The following MSRA variants were observed in gnomAD, a reference collection of about 807,000 sequenced individuals.
MSRA encodes the protein methionine sulfoxide reductase A, also known as mitochondrial peptide methionine sulfoxide reductase.
A neutral mutation model predicts 31.3 loss-of-function variants in MSRA; 54 were observed. The observed-to-expected ratio is 1.73, with a 90% CI of 1.39 to 2.17. MSRA has a LOEUF of 2.17. Ranked by LOEUF, MSRA falls within the 30% of genes most tolerant of loss-of-function variation. The probability of loss-of-function intolerance (pLI) is 0.00; values close to 1 mark genes in which losing one functional copy is unlikely to be tolerated. For missense variants in MSRA, 507 were observed against 300.9 expected (o/e 1.69, Z -5.07); for synonymous variants, 169 against 116.5 (o/e 1.45, Z -2.90).
intron 5 of MSRA, among the ~76,000 whole-genome samples, chr8:10,367,155 C>G (rs1245566357): frequency 6.6e-6 from 1 of 152,174 alleles, no homozygotes; most frequent in Non-Finnish European, 1.5e-5. Flanking sequence ...ATCCCTTTAT[C>G]TAGTGGATCC....
intron 5 of MSRA, among the ~76,000 whole-genome samples, chr8:10,329,937 G>A (rs1802593366): frequency 6.6e-6 from 1 of 151,362 alleles, no homozygotes; most frequent in Non-Finnish European, 1.5e-5. Flanking sequence ...GAAATAAAGT[G>A]GCATACCAAA....
intron 5 of MSRA, among the ~76,000 whole-genome samples, chr8:10,382,913 G>C (rs918644654): frequency 6.6e-6 from 1 of 152,184 alleles, no homozygotes; most frequent in Non-Finnish European, 1.5e-5. Context: ...TCCCTTTCAG[G>C]TCTTCATCTT....
chr8:10,345,456 A>G (rs1194253716), intron 5 of MSRA, among the ~76,000 whole-genome samples: 1 of 152,180 alleles, frequency 6.6e-6, no homozygotes. Context: ...AAGCGATCCA[A>G]GGGTCCACCA....
intron 3 of MSRA, among the ~76,000 whole-genome samples, chr8:10,256,628 G>T (rs567737098): frequency 6.6e-6 from 1 of 152,224 alleles, no homozygotes; most frequent in East Asian, 1.9e-4. Context: ...TAAGTAAGAA[G>T]AATTCAGACG....
At chr8:10,147,188 A>G (rs1256677379) in intron 1 of MSRA, among the ~76,000 whole-genome samples, 1 of 152,104 alleles carries the variant, frequency 6.6e-6, no homozygotes, top group Non-Finnish European at 1.5e-5. Flanking sequence ...CTCAGGTTTG[A>G]GCCAGAGTAG....
intron 2 of MSRA, among the ~76,000 whole-genome samples, chr8:10,236,160 TA>T (rs1277945878): frequency 6.6e-6 from 1 of 152,182 alleles, no homozygotes; most frequent in African/African-American, 2.4e-5. Context: ...AAACCTACAG[TA>T]AATCTCATAT....
intron 1 of MSRA, among the ~76,000 whole-genome samples, chr8:10,198,365 A>G (rs912442315): frequency 2.6e-5 from 4 of 151,368 alleles, no homozygotes; most frequent in Non-Finnish European, 5.9e-5. Flanking sequence ...CATATATATT[A>G]TTATTATTTC....
At chr8:10,072,632 C>T (rs1346386076) in intron 1 of MSRA, among the ~76,000 whole-genome samples, 3 of 152,200 alleles carry the variant, frequency 2.0e-5, no homozygotes, top group African/African-American at 7.2e-5. Context: ...TCAGAATAAA[C>T]TCTCTGTCAA....
At chr8:10,119,060 A>C (rs1484473062) in intron 1 of MSRA, among the ~76,000 whole-genome samples, 1 of 152,154 alleles carries the variant, frequency 6.6e-6, no homozygotes, top group East Asian at 1.9e-4. Context: ...ATCCCCTGTG[A>C]GCAGGATGGA....
chr8:10,124,874 A>G (rs1467574235), intron 1 of MSRA, among the ~76,000 whole-genome samples: 2 of 152,348 alleles, frequency 1.3e-5, no homozygotes, highest in East Asian at 3.9e-4. Context: ...CTTAAAAATA[A>G]AGCTATTGGT....
At chr8:10,358,565 C>CTTTTTTTTTT (rs59106668) in intron 5 of MSRA, among the ~76,000 whole-genome samples, 5 of 64,002 alleles carry the variant, frequency 7.8e-5, no homozygotes, top group African/African-American at 2.1e-4. Context: ...GCATTAGATT[C>CTTTTTTTTTT]TTTTTTTTTT....
At chr8:10,323,113 GAA>G (rs1802149060) in intron 5 of MSRA, among the ~76,000 whole-genome samples, 2 of 140,714 alleles carry the variant, frequency 1.4e-5, no homozygotes, top group African/African-American at 2.7e-5. Context: ...AAAAAATGCA[GAA>G]GAGAGGGCTT....
chr8:10,345,109 G>A lies in MSRA; in HGVS notation c.543+25120G>A, dbSNP rs145014915. On this transcript the variant is annotated intron_variant, in intron 5 of 5. Transcript: ENST00000317173. ...CTGGGTTGGCTCTAGAGATGGTGAC[G>A]CCATGCTGAACCCCAATTCCAAGAG... is the stretch of plus-strand genomic sequence containing the variant. Among the ~76,000 whole-genome samples the A allele has an allele frequency of 2.5e-3, 374 of 152,194 alleles. 2 individuals are homozygous for A. Among genetic ancestry groups the A allele is most frequent in the South Asian group, 0.019 (91 of 4,820 alleles).
chr8:10,071,113 C>A (rs1797711412), intron 1 of MSRA, among the ~76,000 whole-genome samples: 1 of 152,136 alleles, frequency 6.6e-6, no homozygotes, highest in Non-Finnish European at 1.5e-5. Flanking sequence ...TTTGATATTC[C>A]CACCAGCAAC....
chr8:10,061,341 C>T (rs185383377), intron 1 of MSRA, among the ~76,000 whole-genome samples: 3 of 152,238 alleles, frequency 2.0e-5, no homozygotes, highest in African/African-American at 4.8e-5. Context: ...TCCATATATC[C>T]TTATCTTCAA....
intron 1 of MSRA, among the ~76,000 whole-genome samples, chr8:10,094,831 T>G (rs748877169): frequency 4.6e-5 from 7 of 152,250 alleles, no homozygotes; most frequent in Non-Finnish European, 1.0e-4. Context: ...AACAAGTGAC[T>G]ATGCTGGAAC....
At chr8:10,190,945 A>G (rs1807455809) in intron 1 of MSRA, among the ~76,000 whole-genome samples, 1 of 152,150 alleles carries the variant, frequency 6.6e-6, no homozygotes, top group Non-Finnish European at 1.5e-5. Flanking sequence ...GAGTCAGTAA[A>G]CTAGGGCCAT....
chr8:10,330,215 A>ACT (rs1802616587), intron 5 of MSRA, among the ~76,000 whole-genome samples: 1 of 151,534 alleles, frequency 6.6e-6, no homozygotes, highest in African/African-American at 2.4e-5. Flanking sequence ...ATACACACAC[A>ACT]CACACACACA....
intron 4 of MSRA, among the ~76,000 whole-genome samples, chr8:10,304,323 A>G (rs549992320): frequency 1.2e-4 from 18 of 152,286 alleles, no homozygotes; most frequent in Non-Finnish European, 2.2e-4. Flanking sequence ...ATATTCCTAC[A>G]GGAAGAAAAT....
Sources: allele counts gnomAD v4.1 joint callset (sites outside exome capture counted in the v4.1 genomes callset), GRCh38; gene constraint gnomAD v4.1.1; transcripts MANE v1.5; gene names NCBI Gene and HGNC (gene_info 2026-07-23, HGNC 2026-07-21).